RSPO2: variants seen among roughly 807,000 people sequenced by gnomAD.
RSPO2 encodes the protein R-spondin-2.
A neutral mutation model predicts 30.9 loss-of-function variants in RSPO2; 14 were observed. That is an observed-to-expected ratio of 0.45 (90% CI 0.30 to 0.71). RSPO2 has a LOEUF of 0.71. Ranked by LOEUF, RSPO2 falls within the 30% of genes least tolerant of loss-of-function variation. The probability of loss-of-function intolerance (pLI) is 0.08; values close to 1 mark genes in which losing one functional copy is unlikely to be tolerated. For missense variants in RSPO2, 264 were observed against 301.9 expected, an observed-to-expected ratio of 0.87 and a Z score of 0.93; for synonymous variants, 107 against 96.4, an observed-to-expected ratio of 1.11 and a Z score of -0.64.
intron 5 of RSPO2, among the ~76,000 whole-genome samples, chr8:107,943,787 T>A (rs918100421): frequency 1.3e-5 from 2 of 152,222 alleles, no homozygotes; most frequent in Admixed American, 6.5e-5. Context: ...AAAATTACTT[T>A]AAATTACTCA....
intron 5 of RSPO2, among the ~76,000 whole-genome samples, chr8:107,916,281 C>G (rs1185280937): frequency 1.3e-5 from 2 of 152,010 alleles, no homozygotes; most frequent in African/African-American, 4.8e-5. Flanking sequence ...AAAAATTGTT[C>G]AATATACCTA....
At chr8:108,019,654 C>T (rs1810998328) in intron 2 of RSPO2, among the ~76,000 whole-genome samples, 1 of 152,188 alleles carries the variant, frequency 6.6e-6, no homozygotes, top group African/African-American at 2.4e-5. Context: ...CCACAATTGC[C>T]TCCCTTCTCT....
At position 107,901,161 on chromosome 8, in the gene RSPO2, T is replaced by G; in HGVS notation, c.646A>C (p.Arg216=). 6.2e-7 allele frequency: 1 copy of G among 1,614,012 alleles called. No homozygotes were observed. ...AGCTTCCTTTTCTTTTTCTTGTTCC[T>G]CTTCTCCTTCGCCTTTGGTGTTCTC... ...GKRTPKAKEK[R]NKKKKRKLIE... The change falls in exon 6 of 6, where the codon AGG becomes CGG. Residue 216 remains arginine (R), a synonymous_variant. Coordinates refer to ENST00000276659, the MANE Select transcript of RSPO2 (RefSeq NM_178565.5).
At chr8:107,994,736 A>G (rs1176982864) in intron 2 of RSPO2, among the ~76,000 whole-genome samples, 1 of 152,130 alleles carries the variant, frequency 6.6e-6, no homozygotes, top group Admixed American at 6.6e-5. Context: ...GAATTAGGAG[A>G]GAAGAAATAG....
intron 2 of RSPO2, among the ~76,000 whole-genome samples, chr8:108,082,305 T>C (rs1813225139): frequency 6.6e-6 from 1 of 152,194 alleles, no homozygotes; most frequent in Non-Finnish European, 1.5e-5. Flanking sequence ...AGCGCCCGAT[T>C]GGCGCCCGGC....
Position 107,900,847 on chromosome 8 carries a change from G to T in RSPO2, c.*228C>A. 1 of 439,574 alleles carries T rather than the reference G, an allele frequency of 2.3e-6. No individual in the cohort carries two copies. The highest frequency in any genetic ancestry group is 4.0e-6 in the Non-Finnish European group (1 of 248,110). 27.2% of individuals were successfully genotyped at this position (439,574 alleles called of 1,614,324 possible). ...GACGGATTCTCTCAGCACACACTGA[G>T]CCAAGTCACGGGCTGTGCACTTACT... On this transcript the variant is annotated 3_prime_UTR_variant, in exon 6 of 6. Coordinates refer to ENST00000276659, the MANE Select transcript of RSPO2 (RefSeq NM_178565.5).
intron 3 of RSPO2, among the ~76,000 whole-genome samples, chr8:107,961,059 A>G (rs2130441975): frequency 6.6e-6 from 1 of 152,290 alleles, no homozygotes; most frequent in East Asian, 1.9e-4. Flanking sequence ...GCACCATGAG[A>G]ACTTTTGGAC....
intron 5 of RSPO2, among the ~76,000 whole-genome samples, chr8:107,948,795 G>C (rs1338607562): frequency 1.3e-5 from 2 of 151,920 alleles, no homozygotes; most frequent in East Asian, 3.9e-4. Flanking sequence ...GGGAGGCAGA[G>C]CTTGCAGTGA....
chr8:108,051,778 TG>T (rs1164998907), intron 2 of RSPO2, among the ~76,000 whole-genome samples: 1 of 152,238 alleles, frequency 6.6e-6, no homozygotes, highest in Non-Finnish European at 1.5e-5. Context: ...GACTCCCATC[TG>T]GGACTCCAGC....
At chr8:108,044,882 A>C (rs72682217) in intron 2 of RSPO2, among the ~76,000 whole-genome samples, 26,086 of 152,154 alleles carry the variant, frequency 0.17, 2,878 homozygotes, top group Middle Eastern at 0.28. Flanking sequence ...TATATGCAGA[A>C]GGATGAAACT....
intron 2 of RSPO2, among the ~76,000 whole-genome samples, chr8:108,048,328 C>G (rs978563458): frequency 2.0e-5 from 3 of 151,662 alleles, no homozygotes; most frequent in African/African-American, 7.3e-5. Context: ...CTCTACTGCC[C>G]TTTGCATCCC....
At chr8:107,979,177 C>G (rs1444174841) in intron 3 of RSPO2, among the ~76,000 whole-genome samples, 1 of 152,232 alleles carries the variant, frequency 6.6e-6, no homozygotes, top group Non-Finnish European at 1.5e-5. Context: ...CATCTCATTA[C>G]TGGGTATATA....
At chr8:107,908,351 G>A (rs1273285202) in intron 5 of RSPO2, among the ~76,000 whole-genome samples, 1 of 151,924 alleles carries the variant, frequency 6.6e-6, no homozygotes, top group Admixed American at 6.6e-5. Flanking sequence ...AGGATTCTGT[G>A]GTGTTTCACA....
intron 5 of RSPO2, among the ~76,000 whole-genome samples, chr8:107,943,527 C>T (rs931367179): frequency 6.6e-6 from 1 of 152,194 alleles, no homozygotes; most frequent in Non-Finnish European, 1.5e-5. Context: ...CACGTGCCAT[C>T]GCCTGGTGGA....
intron 5 of RSPO2, among the ~76,000 whole-genome samples, chr8:107,914,503 T>C (rs1049994107): frequency 6.6e-6 from 1 of 151,590 alleles, no homozygotes; most frequent in African/African-American, 2.4e-5. Context: ...ATTATAAAAA[T>C]AGAAGTGTTT....
chr8:108,074,840 C>A (rs1812962598), intron 2 of RSPO2, among the ~76,000 whole-genome samples: 1 of 152,176 alleles, frequency 6.6e-6, no homozygotes, highest in African/African-American at 2.4e-5. Context: ...CTGTATACGT[C>A]AAACAGGTCC....
rs144643262 is a variant in RSPO2 at position 107,981,559 on chromosome 8, T to G, written c.283+7497A>C. Among the ~76,000 whole-genome samples the G allele has an allele frequency of 2.7e-4, 41 of 152,258 alleles. No homozygotes were observed. In the East Asian group the frequency reaches 7.7e-3, roughly 29 times the overall value. On this transcript the variant is annotated intron_variant, in intron 3 of 5. Coordinates refer to ENST00000276659, the MANE Select transcript of RSPO2 (RefSeq NM_178565.5). ...AGAAAGACAAGAAAACAGGTGTTTC[T>G]AAAGGCATTCAAACTTGATGACATG...
intron 4 of RSPO2, among the ~76,000 whole-genome samples, chr8:107,959,532 A>C (rs912724829): frequency 6.6e-6 from 1 of 152,204 alleles, no homozygotes; most frequent in Non-Finnish European, 1.5e-5. Context: ...TCTTCTAGAC[A>C]TCAGTGGGTA....
chr8:107,935,974 T>A (rs1812711523), intron 5 of RSPO2, among the ~76,000 whole-genome samples: 2 of 152,166 alleles, frequency 1.3e-5, no homozygotes, highest in South Asian at 4.1e-4. Flanking sequence ...AACCCTCTCT[T>A]CTAGCTTCTT....
Sources: gnomAD v4.1 joint callset for allele counts (sites outside exome capture counted in the v4.1 genomes callset) on GRCh38, gnomAD v4.1.1 for gene constraint, MANE v1.5 for transcripts, NCBI Gene and HGNC (gene_info 2026-07-23, HGNC 2026-07-21) for gene names.